PTGR1: variants seen among roughly 807,000 people sequenced by gnomAD.
PTGR1 encodes the protein prostaglandin reductase 1, also known as 15-oxoprostaglandin 13-reductase.
PTGR1 carries 23 observed loss-of-function variants against 37.7 expected under a neutral mutation model. That is an observed-to-expected ratio of 0.61 (90% CI 0.44 to 0.86). The LOEUF (loss-of-function observed/expected upper bound fraction) is 0.86. Ranked by LOEUF, PTGR1 falls within the 40% of genes least tolerant of loss-of-function variation. The pLI, the probability that PTGR1 is intolerant of heterozygous loss-of-function variation, is 0.00. For missense variants in PTGR1, 351 were observed against 394.3 expected, an observed-to-expected ratio of 0.89 and a Z score of 0.93; for synonymous variants, 134 against 140.0, an observed-to-expected ratio of 0.96 and a Z score of 0.30.
At chr9:111,575,465 A>G (rs913115672) in intron 7 of PTGR1, 1 of 152,238 alleles carries the variant, frequency 6.6e-6, no homozygotes, top group African/African-American at 2.4e-5. Context: ...CAAAAGGTGT[A>G]TAGAGAACAA....
chr9:111,577,089 T>C (rs1273807427), intron 7 of PTGR1: 3 of 145,492 alleles, frequency 2.1e-5, no homozygotes, highest in Non-Finnish European at 4.5e-5. Flanking sequence ...AAAAACTGTC[T>C]CAAAAAAAAA....
At chr9:111,569,371 GAAGA>G (rs992142431) in intron 9 of PTGR1, among the ~76,000 whole-genome samples, 8 of 152,174 alleles carry the variant, frequency 5.3e-5, no homozygotes, top group Non-Finnish European at 8.8e-5. Flanking sequence ...GAAGCCAAGG[GAAGA>G]AAGCATATCA....
Position 111,582,821 on chromosome 9 carries a change from T to G in PTGR1, c.495+651A>C, listed in dbSNP as rs79127905. 8.1e-3 allele frequency among the ~76,000 whole-genome samples: 1,231 copies of G among 152,348 alleles called. 26 individuals are homozygous for G. Among genetic ancestry groups the G allele is most frequent in the Admixed American group, 0.034 (527 of 15,302 alleles). On this transcript the variant is annotated intron_variant, in intron 6 of 9. Coordinates refer to ENST00000407693, the MANE Select transcript of PTGR1 (RefSeq NM_001146108.2). The stretch of plus-strand genomic sequence containing the variant: ...TCTGTACTCCATCTAACTTGTCCCC[T>G]AGGACCTAGGTCCTGAATCCTGCAT...
intron 1 of PTGR1, among the ~76,000 whole-genome samples, chr9:111,598,994 T>C (rs1437955884): frequency 6.6e-6 from 1 of 152,096 alleles, no homozygotes; most frequent in Non-Finnish European, 1.5e-5. Context: ...TTCTAGTCGT[T>C]ATTTCTATGA....
intron 9 of PTGR1, among the ~76,000 whole-genome samples, chr9:111,569,447 G>A (rs1368501472): frequency 6.6e-6 from 1 of 152,142 alleles, no homozygotes; most frequent in Middle Eastern, 3.2e-3. Flanking sequence ...ATCAACCAGT[G>A]GATTTCACTA....
downstream of PTGR1, among the ~76,000 whole-genome samples, chr9:111,559,284 A>T (rs1039222203): frequency 6.6e-6 from 1 of 151,444 alleles, no homozygotes; most frequent in African/African-American, 2.4e-5. Flanking sequence ...GGGCCCTTAA[A>T]CTCCATGCCA....
intron 3 of PTGR1, 85 bp from the exon 4 acceptor site, chr9:111,593,067 C>T (rs569481668): frequency 1.4e-6 from 2 of 1,468,936 alleles, no homozygotes; most frequent in African/African-American, 1.5e-5. Context: ...CATCGGGGGA[C>T]TGTTTTGAGT....
intron 9 of PTGR1, among the ~76,000 whole-genome samples, chr9:111,551,565 GC>G (rs1827956019): frequency 1.3e-5 from 2 of 151,658 alleles, no homozygotes; most frequent in South Asian, 4.2e-4. Context: ...ACACTGCCAC[GC>G]CTGGCTAATT....
intron 7 of PTGR1, chr9:111,576,479 G>A: frequency 6.2e-7 from 1 of 1,607,378 alleles, no homozygotes; most frequent in Non-Finnish European, 8.5e-7. Flanking sequence ...GGCCACTGCA[G>A]TGCAGTTCAA....
At chr9:111,574,604 TAAAAAAA>T in intron 8 of PTGR1, 123 bp downstream of exon 8, 1 of 489,920 alleles carries the variant, frequency 2.0e-6, no homozygotes, top group African/African-American at 2.2e-5. Context: ...GACTCTGTCT[TAAAAAAA>T]AAAAAAAAAG....
intron 9 of PTGR1, among the ~76,000 whole-genome samples, chr9:111,552,501 C>T (rs1332970503): frequency 6.6e-6 from 1 of 152,138 alleles, no homozygotes; most frequent in East Asian, 1.9e-4. Context: ...GGTCTTTTGA[C>T]TTAACTTAGC....
chr9:111,568,049 T>C (rs570208894), intron 9 of PTGR1, among the ~76,000 whole-genome samples: 1 of 152,254 alleles, frequency 6.6e-6, no homozygotes, highest in East Asian at 1.9e-4. Context: ...AAACATGTAT[T>C]TGAACAATAT....
intron 4 of PTGR1, among the ~76,000 whole-genome samples, chr9:111,586,491 C>T (rs1235045138): frequency 3.3e-5 from 5 of 152,152 alleles, no homozygotes; most frequent in South Asian, 2.1e-4. Flanking sequence ...CTTCAGGTGT[C>T]GCTCTCTTTC....
At chr9:111,595,765 C>CTGGGAGTA (rs1323388861) in intron 2 of PTGR1, among the ~76,000 whole-genome samples, 2 of 152,170 alleles carry the variant, frequency 1.3e-5, no homozygotes, top group African/African-American at 4.8e-5. Context: ...TCCCAAATAG[C>CTGGGAGTA]TGGGAGTACA....
chr9:111,570,135 C>T lies in PTGR1; in HGVS notation c.835G>A (p.Ala279Thr). ...AAGTCCTTCAGAGCTTTTTGGCGGG[C>T]ATCTCCTTGCCAGCGGTAGACGACA... ...AFVVYRWQGD[A>T]RQKALKDLLK... Residue 279 changes from alanine to threonine, a missense_variant, in exon 9 of 10, where the codon GCC (alanine) becomes ACC (threonine). Transcript: ENST00000407693. 5 of 1,614,094 alleles carry T rather than the reference C, an allele frequency of 3.1e-6. No individual in the cohort carries two copies. Among genetic ancestry groups the T allele is most frequent in the Non-Finnish European group, 4.2e-6 (5 of 1,180,028 alleles).
chr9:111,560,438 C>T (rs1169269897), downstream of PTGR1, among the ~76,000 whole-genome samples: 4 of 143,062 alleles, frequency 2.8e-5, no homozygotes, highest in Admixed American at 2.1e-4. Flanking sequence ...CAGGCCACTG[C>T]ACTCCAGCCT....
chr9:111,586,675 C>T (rs551488632), intron 4 of PTGR1, among the ~76,000 whole-genome samples: 16 of 152,014 alleles, frequency 1.1e-4, no homozygotes, highest in Non-Finnish European at 2.2e-4. Flanking sequence ...ATGTGCTAAC[C>T]CGCTGCAACC....
intron 9 of PTGR1, among the ~76,000 whole-genome samples, chr9:111,565,939 C>T (rs776882037): frequency 6.6e-5 from 10 of 152,080 alleles, no homozygotes; most frequent in African/African-American, 1.7e-4. Context: ...GGGCTGGGCG[C>T]GGTGGCTCAC....
At chr9:111,576,477 C>A in intron 7 of PTGR1, 1 of 1,607,054 alleles carries the variant, frequency 6.2e-7, no homozygotes, top group Non-Finnish European at 8.5e-7. Context: ...GGGGCCACTG[C>A]AGTGCAGTTC....
Sources: gnomAD v4.1 joint callset for allele counts (sites outside exome capture counted in the v4.1 genomes callset) on GRCh38, gnomAD v4.1.1 for gene constraint, MANE v1.5 for transcripts, NCBI Gene and HGNC (gene_info 2026-07-23, HGNC 2026-07-21) for gene names.